Variants in RIN3 observed in about 807,000 individuals in gnomAD.
RIN3 encodes the protein Ras and Rab interactor 3.
Under a neutral mutation model 76.3 loss-of-function variants are expected in RIN3, and 54 were observed. The ratio of observed to expected loss-of-function variants is 0.71; its 90% confidence interval spans 0.57 to 0.89. The LOEUF is 0.89. Ranked by LOEUF, RIN3 falls within the 40% of genes least tolerant of loss-of-function variation. RIN3 has a pLI of 0.00. For synonymous variants in RIN3, 576 were observed against 564.0 expected (o/e 1.02, Z -0.30); for missense variants, 1,256 against 1,322.1 (o/e 0.95, Z 0.78).
chr14:92,638,091 C>T (rs959675357), intron 4 of RIN3, among the ~76,000 whole-genome samples: 10 of 152,136 alleles, frequency 6.6e-5, no homozygotes, highest in East Asian at 1.9e-4. Flanking sequence ...TTCCTCTGGA[C>T]GGAAGAGGTG....
intron 1 of RIN3, among the ~76,000 whole-genome samples, chr14:92,528,612 TG>T (rs1047173748): frequency 3.3e-5 from 5 of 152,064 alleles, no homozygotes; most frequent in African/African-American, 9.7e-5. Context: ...ATCTGGGAAA[TG>T]GGGGGCAGGT....
rs139992127 is a variant in RIN3, at chr14:92,652,217, C to T, written c.1168C>T (p.Arg390Cys). Reference sequence around the variant, plus strand: ...CCTTCCCACTGCCCCTCCCAGACGCCGCGTTTCCGAGAGGGTGTCCTTAGA... The same window carrying T: ...CCTTCCCACTGCCCCTCCCAGACGCTGCGTTTCCGAGAGGGTGTCCTTAGA... ...KNLPTAPPRR[R>C]VSERVSLEDQ... Residue 390 changes from arginine to cysteine, a missense_variant, in exon 6 of 10, where the codon CGC becomes TGC. Coordinates refer to ENST00000216487, the MANE Select transcript of RIN3 (RefSeq NM_024832.5). The surrounding 1 kb of genome is among the most constrained non-coding windows in gnomAD (Gnocchi z 6.4). 49 of 1,606,688 alleles carry T rather than the reference C, an allele frequency of 3.0e-5. No homozygotes were observed. The Admixed American group carries it at 3.4e-4, about 11-fold the overall frequency.
chr14:92,595,235 G>C (rs1336239538), intron 3 of RIN3, among the ~76,000 whole-genome samples: 1 of 152,184 alleles, frequency 6.6e-6, no homozygotes, highest in Non-Finnish European at 1.5e-5. Flanking sequence ...AAAAAAGAGA[G>C]GGTTGCAGGA....
intron 2 of RIN3, among the ~76,000 whole-genome samples, chr14:92,561,040 A>ATAT (rs1306892381): frequency 1.3e-4 from 2 of 15,436 alleles, no homozygotes; most frequent in East Asian, 0.023. Context: ...AAAAAAAAAA[A>ATAT]AAAAATATAT....
rs117098746 is a variant in RIN3, at chr14:92,656,626, G to A, written c.2027-2535G>A. 8.5e-4 allele frequency among the ~76,000 whole-genome samples: 129 copies of A among 152,334 alleles called. 1 individual carries two copies. The East Asian group carries it at 0.018, about 21-fold the overall frequency. On this transcript the variant is annotated intron_variant, in intron 6 of 9. Coordinates refer to ENST00000216487, the MANE Select transcript of RIN3 (RefSeq NM_024832.5). This position sits in a 1 kb window ranked among gnomAD's most constrained non-coding sequence, Gnocchi z 5.2. ...AGACTTGGAGTTTGTCCTGGCAGGTGATATGGCAAAGTGTCACCAGAGCCT... is the reference window on the plus strand; with the variant it reads ...AGACTTGGAGTTTGTCCTGGCAGGTAATATGGCAAAGTGTCACCAGAGCCT...
intron 7 of RIN3, among the ~76,000 whole-genome samples, chr14:92,672,445 T>C (rs1228933492): frequency 6.6e-6 from 1 of 152,042 alleles, no homozygotes; most frequent in African/African-American, 2.4e-5. Context: ...GACTGGAGAA[T>C]GCAAGAGGAA....
chr14:92,677,262 C>A (rs1281782878), intron 8 of RIN3, among the ~76,000 whole-genome samples: 1 of 152,202 alleles, frequency 6.6e-6, no homozygotes, highest in African/African-American at 2.4e-5. Context: ...CTCCTTCCCA[C>A]CACATCCTCC....
At chr14:92,676,991 G>A (rs753027634) in intron 8 of RIN3, among the ~76,000 whole-genome samples, 21 of 152,222 alleles carry the variant, frequency 1.4e-4, no homozygotes, top group Admixed American at 3.3e-4. Flanking sequence ...TCTTTGTAGC[G>A]GGAACAGCAG....
intron 1 of RIN3, among the ~76,000 whole-genome samples, chr14:92,540,301 AC>A (rs1216005857): frequency 1.3e-5 from 2 of 152,234 alleles, no homozygotes; most frequent in East Asian, 1.9e-4. Context: ...CCTGGGACTG[AC>A]CCACCGAGGG....
At chr14:92,557,495 G>GT (rs1295531821) in intron 2 of RIN3, among the ~76,000 whole-genome samples, 1 of 152,244 alleles carries the variant, frequency 6.6e-6, no homozygotes, top group Non-Finnish European at 1.5e-5. Flanking sequence ...AGACGTATAA[G>GT]TACAGGGCTC....
chr14:92,529,031 T>C (rs2140001809), intron 1 of RIN3, among the ~76,000 whole-genome samples: 1 of 152,200 alleles, frequency 6.6e-6, no homozygotes, highest in South Asian at 2.1e-4. Flanking sequence ...GAGGGAGGTT[T>C]AGTGGGTCCT....
At chr14:92,543,952 T>C (rs1897185313) in intron 1 of RIN3, among the ~76,000 whole-genome samples, 1 of 152,182 alleles carries the variant, frequency 6.6e-6, no homozygotes, top group Admixed American at 6.5e-5. Context: ...TGGGAATTCC[T>C]TCTCCACTCT....
At chr14:92,655,914 G>A (rs755070141) in intron 6 of RIN3, among the ~76,000 whole-genome samples, 24 of 152,180 alleles carry the variant, frequency 1.6e-4, no homozygotes, top group Non-Finnish European at 2.9e-4. Flanking sequence ...ATACCAGGTG[G>A]GGAGGTCGAG....
At chr14:92,546,203 G>T (rs1220031915) in intron 1 of RIN3, among the ~76,000 whole-genome samples, 2 of 152,036 alleles carry the variant, frequency 1.3e-5, no homozygotes, top group African/African-American at 4.8e-5. Flanking sequence ...GGGATTACAG[G>T]CTTGAGCCAC....
At chr14:92,592,542 C>A (rs532892862) in intron 3 of RIN3, among the ~76,000 whole-genome samples, 3 of 151,808 alleles carry the variant, frequency 2.0e-5, no homozygotes, top group Non-Finnish European at 4.4e-5. Flanking sequence ...CCTATGCACA[C>A]CCTCCTGTAT....
intron 4 of RIN3, among the ~76,000 whole-genome samples, chr14:92,638,330 A>G (rs1296119068): frequency 6.6e-6 from 1 of 152,236 alleles, no homozygotes; most frequent in Non-Finnish European, 1.5e-5. Context: ...GGGAGCCAGC[A>G]GGAGTCCCCC....
intron 3 of RIN3, among the ~76,000 whole-genome samples, chr14:92,610,913 C>A (rs369324582): frequency 1.8e-4 from 27 of 152,194 alleles, no homozygotes; most frequent in African/African-American, 5.6e-4. Flanking sequence ...GTAATATCCC[C>A]ATTGACTGAA....
At chr14:92,581,727 A>G (rs1434092742) in intron 3 of RIN3, among the ~76,000 whole-genome samples, 2 of 152,212 alleles carry the variant, frequency 1.3e-5, no homozygotes, top group East Asian at 1.9e-4. Flanking sequence ...TTAGGCACCA[A>G]TGAAAAACCA....
chr14:92,583,300 TGAA>T (rs1367614337), intron 3 of RIN3, among the ~76,000 whole-genome samples: 9 of 152,258 alleles, frequency 5.9e-5, no homozygotes, highest in African/African-American at 2.2e-4. Context: ...CTGCTCTGTT[TGAA>T]GAAGAAACAC....
Sources: gnomAD v4.1 joint callset for allele counts (sites outside exome capture counted in the v4.1 genomes callset) on GRCh38, gnomAD v4.1.1 for gene constraint, Gnocchi (gnomAD v3.1) non-coding constraint, MANE v1.5 for transcripts, NCBI Gene and HGNC (gene_info 2026-07-23, HGNC 2026-07-21) for gene names.